Variants in ZNF346 observed in about 807,000 individuals in gnomAD.
ZNF346 encodes the protein double-stranded RNA-binding zinc finger protein JAZ.
ZNF346 carries 23 observed loss-of-function variants against 33.7 expected under a neutral mutation model. The ratio of observed to expected loss-of-function variants is 0.68; its 90% CI spans 0.49 to 0.97. The LOEUF (loss-of-function observed/expected upper bound fraction) is 0.97, where lower values mean the gene tolerates loss of function less well. Among genes scored for constraint, ZNF346 ranks in the 50% least tolerant of loss-of-function variants. ZNF346 has a pLI of 0.00. For synonymous variants in ZNF346, 134 were observed against 142.4 expected (o/e 0.94, Z 0.42); for missense variants, 340 against 371.1 (o/e 0.92, Z 0.69).
chr5:177,044,665 A>C, intron 4 of ZNF346, 132 bp downstream of exon 4: 1 of 927,842 alleles, frequency 1.1e-6, no homozygotes, highest in Non-Finnish European at 1.6e-6. Flanking sequence ...AACCCTTAAA[A>C]ATCTCCAAGT....
At chr5:177,052,194 G>C (rs1781031789) in intron 5 of ZNF346, among the ~76,000 whole-genome samples, 1 of 148,242 alleles carries the variant, frequency 6.7e-6, no homozygotes, top group African/African-American at 2.6e-5. Context: ...TTTTGAGACA[G>C]TCTCACTCTG....
intron 1 of ZNF346, among the ~76,000 whole-genome samples, chr5:177,024,016 A>G (rs1776315196): frequency 6.7e-6 from 1 of 148,854 alleles, no homozygotes; most frequent in Non-Finnish European, 1.5e-5. Context: ...ATTATATATA[A>G]AAAAGAAGGA....
At chr5:177,025,993 TA>T (rs947607558) in intron 1 of ZNF346, among the ~76,000 whole-genome samples, 6 of 62,966 alleles carry the variant, frequency 9.5e-5, no homozygotes, top group African/African-American at 2.7e-4. Context: ...TTATTATTAT[TA>T]TTATTTTTTT....
At chr5:177,040,186 A>AG (rs1561986715) in intron 1 of ZNF346, among the ~76,000 whole-genome samples, 1 of 151,478 alleles carries the variant, frequency 6.6e-6, no homozygotes, top group Non-Finnish European at 1.5e-5. Context: ...CTCTCAAAAA[A>AG]AAAAAAAACA....
chr5:177,045,917 T>C (rs1304584682), intron 4 of ZNF346, among the ~76,000 whole-genome samples: 1 of 152,178 alleles, frequency 6.6e-6, no homozygotes, highest in Non-Finnish European at 1.5e-5. Flanking sequence ...TATATGACTT[T>C]TTTGTGTCTG....
At chr5:177,069,183 G>A (rs962329628), downstream of ZNF346, among the ~76,000 whole-genome samples, 5 of 142,334 alleles carry the variant, frequency 3.5e-5, no homozygotes, top group Admixed American at 6.7e-5. Context: ...TCAGCCAGGC[G>A]CAGTGGCTCA....
rs183674962 is a variant in ZNF346 at position 177,045,221 on chromosome 5, A to G, written c.517+688A>G. The stretch of plus-strand genomic sequence containing the variant: ...GTGAAAGTTCTTTGATGTTTATTTC[A>G]TTGTTTTCTTGATAATTTTTGCTTC... On this transcript the variant is annotated intron_variant, in intron 4 of 6. Transcript: ENST00000358149. Among the ~76,000 whole-genome samples, 27 of 152,222 alleles carry G rather than the reference A, an allele frequency of 1.8e-4. No individual in the cohort carries two copies. In the East Asian group the frequency reaches 4.2e-3, roughly 24 times the overall value.
intron 5 of ZNF346, among the ~76,000 whole-genome samples, chr5:177,057,365 T>G (rs1781835823): frequency 1.3e-5 from 2 of 151,816 alleles, no homozygotes; most frequent in African/African-American, 4.8e-5. Context: ...GTAGAACAAA[T>G]AAAGACTCTA....
At chr5:177,062,766 A>G (rs906052298) in intron 6 of ZNF346, among the ~76,000 whole-genome samples, 2 of 152,220 alleles carry the variant, frequency 1.3e-5, no homozygotes, top group South Asian at 2.1e-4. Context: ...GTTGCAGGCC[A>G]TATGTCAAGC....
Position 177,022,859 on chromosome 5 carries a change from G to T in ZNF346, c.121G>T (p.Ala41Ser), listed in dbSNP as rs755133546. 2 of 1,528,792 alleles carry T rather than the reference G, an allele frequency of 1.3e-6. No individual in the cohort carries two copies. 94.7% of individuals were successfully genotyped at this position (1,528,792 alleles called of 1,614,324 possible). ...CGGGGTGCGCTTTGACCGCGAGAGG[G>T]CGCGCCGCCTGTGGGAAGCCGTGTC... ...PDGVRFDRER[A>S]RRLWEAVSGA... The change falls in exon 1 of 7, where the codon GCG becomes TCG. Residue 41 changes from alanine to serine, a missense_variant. Transcript: ENST00000358149.
chr5:177,074,294 C>G (rs1324346337), intron 8 of ZNF346, among the ~76,000 whole-genome samples: 1 of 152,224 alleles, frequency 6.6e-6, no homozygotes, highest in Non-Finnish European at 1.5e-5. Flanking sequence ...CTTATGTAGT[C>G]CGGGTGGGGA....
At chr5:177,025,908 T>C (rs571632407) in intron 1 of ZNF346, among the ~76,000 whole-genome samples, 58 of 152,258 alleles carry the variant, frequency 3.8e-4, no homozygotes, top group African/African-American at 1.4e-3. Flanking sequence ...ATCCTATGTA[T>C]TGTGCTTTAG....
rs1007725366 is a variant in ZNF346, at chr5:177,067,972, A to G, written c.*3373A>G. On this transcript the variant is annotated 3_prime_UTR_variant, in exon 7 of 7. Coordinates refer to ENST00000358149, the MANE Select transcript of ZNF346 (RefSeq NM_012279.4). ...ATAAAAAATAAAATAAATAAAAACC[A>G]TGGAGAGAAGGAACAAGGCTGAAAA... is the stretch of plus-strand genomic sequence containing the variant. 6.6e-6 allele frequency among the ~76,000 whole-genome samples: 1 copy of G among 152,150 alleles called. No homozygotes were observed. Among genetic ancestry groups the G allele is most frequent in the African/African-American group, 2.4e-5 (1 of 41,434 alleles).
At position 177,064,888 on chromosome 5, in the gene ZNF346, G is replaced by C. The variant is rs1471409151; in HGVS notation, c.*289G>C. Reference sequence around the variant, plus strand: ...CTTTCCCCATTTCCCAACCCCTCTGGGCCTTAGGTGCTGAGGCCCCTGCCA... The same window carrying C: ...CTTTCCCCATTTCCCAACCCCTCTGCGCCTTAGGTGCTGAGGCCCCTGCCA... On this transcript the variant is annotated 3_prime_UTR_variant, in exon 7 of 7. Coordinates refer to ENST00000358149, the MANE Select transcript of ZNF346 (RefSeq NM_012279.4). 1 of 388,760 alleles carries C rather than the reference G, an allele frequency of 2.6e-6. No homozygotes were observed. The highest frequency in any genetic ancestry group is 4.5e-5 in the East Asian group (1 of 22,132). The allele number at this position is 388,760 out of a possible 1,614,324, so 24.1% of individuals were successfully genotyped here. A position where few individuals can be genotyped will look rare whatever the true frequency, so the allele number is the denominator to read the frequency against.
exon 9 of ZNF346, chr5:177,080,194 G>A (rs1022723071): frequency 6.6e-6 from 1 of 152,238 alleles, no homozygotes; most frequent in Non-Finnish European, 1.5e-5. Flanking sequence ...ATAAACTGGA[G>A]ACAGATGTAC....
chr5:177,073,818 C>T (rs1159950087), intron 8 of ZNF346, among the ~76,000 whole-genome samples: 35 of 15,274 alleles, frequency 2.3e-3, no homozygotes, highest in South Asian at 0.01. Context: ...CAAGATCGGG[C>T]GGGCGGGGGA....
At position 177,030,483 on chromosome 5, in the gene ZNF346, G is replaced by A. The variant is rs1055858841; in HGVS notation, c.175+7570G>A. Among the ~76,000 whole-genome samples the A allele has an allele frequency of 4.6e-5, 7 of 152,090 alleles. No individual in the cohort carries two copies. In the East Asian group the frequency reaches 5.8e-4, roughly 13 times the overall value. ...AAAATACAAAAATTAGCCGGGCATGGTGGTGCCGTGCCATGGGGTTTCACC... is the reference window on the plus strand; with the variant it reads ...AAAATACAAAAATTAGCCGGGCATGATGGTGCCGTGCCATGGGGTTTCACC... On this transcript the variant is annotated intron_variant, in intron 1 of 6. Transcript: ENST00000358149.
chr5:177,051,232 T>G (rs1301587973), intron 5 of ZNF346, among the ~76,000 whole-genome samples: 1 of 139,562 alleles, frequency 7.2e-6, no homozygotes, highest in Admixed American at 7.7e-5. Flanking sequence ...TGGAGTGCAG[T>G]GGCGCGATCT....
At chr5:177,033,965 T>A (rs1778101437) in intron 1 of ZNF346, among the ~76,000 whole-genome samples, 1 of 152,170 alleles carries the variant, frequency 6.6e-6, no homozygotes, top group Admixed American at 6.5e-5. Context: ...CATTGTAGCC[T>A]CGAGCTCCCA....
Sources: allele counts gnomAD v4.1 joint callset (sites outside exome capture counted in the v4.1 genomes callset), GRCh38; gene constraint gnomAD v4.1.1; transcripts MANE v1.5; gene names NCBI Gene and HGNC (gene_info 2026-07-23, HGNC 2026-07-21).